The following GRIA4 variants were observed in gnomAD, a reference collection of about 807,000 sequenced individuals.
GRIA4 encodes glutamate receptor 4.
Under a neutral mutation model 104.0 loss-of-function variants are expected in GRIA4, and 34 were observed. The ratio of observed to expected loss-of-function variants is 0.33; its 90% CI spans 0.25 to 0.44. The LOEUF is 0.44. Among genes scored for constraint, GRIA4 ranks in the 20% least tolerant of loss-of-function variants. The pLI, the probability that GRIA4 is intolerant of heterozygous loss-of-function variation, is 1.00. For missense variants in GRIA4, 750 were observed against 1,096.5 expected (o/e 0.68, Z 4.46); for synonymous variants, 386 against 381.9 (o/e 1.01, Z -0.13).
chr11:105,710,516 A>T (rs1022124675), intron 3 of GRIA4, among the ~76,000 whole-genome samples: 1 of 152,152 alleles, frequency 6.6e-6, no homozygotes, highest in African/African-American at 2.4e-5. Flanking sequence ...AAAAAAAGAG[A>T]CATGAGTATC....
chr11:105,870,655 A>G (rs1945582442), intron 5 of GRIA4, among the ~76,000 whole-genome samples: 1 of 152,058 alleles, frequency 6.6e-6, no homozygotes, highest in African/African-American at 2.4e-5. Context: ...AGAACAGGGT[A>G]ATAGGAGAGA....
chr11:105,616,333 TA>T lies in GRIA4; in HGVS notation c.247+3902del, dbSNP rs1950599826. ...TGATGAAAAAGTTTCTTTTTTAAGT[TA>T]AATATTAATTCTGTGTGGCTGATTT... On this transcript the variant is annotated intron_variant, in intron 3 of 16. Coordinates refer to ENST00000282499, the MANE Select transcript of GRIA4 (RefSeq NM_000829.4). 2.6e-5 allele frequency among the ~76,000 whole-genome samples: 4 copies of T among 151,690 alleles called. No homozygotes were observed. In the South Asian group the frequency reaches 8.3e-4, roughly 31 times the overall value.
chr11:105,749,503 C>G (rs1012135916), intron 3 of GRIA4, among the ~76,000 whole-genome samples: 4 of 152,206 alleles, frequency 2.6e-5, no homozygotes, highest in Admixed American at 2.0e-4. Context: ...CCTCACCATG[C>G]TGCAATGGTC....
At chr11:105,811,747 G>T (rs1334949715) in intron 4 of GRIA4, among the ~76,000 whole-genome samples, 1 of 152,108 alleles carries the variant, frequency 6.6e-6, no homozygotes, top group Non-Finnish European at 1.5e-5. Context: ...AAATTCACCT[G>T]AGCATCCTGC....
chr11:105,794,445 G>A (rs75591708), intron 4 of GRIA4, among the ~76,000 whole-genome samples: 1 of 105,340 alleles, frequency 9.5e-6, no homozygotes, highest in Non-Finnish European at 1.9e-5. Flanking sequence ...GTGTGTGTGT[G>A]TGTGTGTCTG....
chr11:105,960,844 C>T (rs975396159), intron 14 of GRIA4, among the ~76,000 whole-genome samples: 4 of 152,218 alleles, frequency 2.6e-5, no homozygotes, highest in Non-Finnish European at 5.9e-5. Context: ...CGTACTCACT[C>T]ACCGCCTCCC....
intron 3 of GRIA4, among the ~76,000 whole-genome samples, chr11:105,690,406 G>T (rs948403126): frequency 2.0e-5 from 3 of 152,140 alleles, no homozygotes; most frequent in Non-Finnish European, 4.4e-5. Context: ...CAGTCTTCAA[G>T]GTGTATGTGT....
At chr11:105,926,634 C>G (rs1002671343) in intron 12 of GRIA4, 107 bp from the exon 13 acceptor site, 1 of 720,240 alleles carries the variant, frequency 1.4e-6, no homozygotes, top group Non-Finnish European at 2.5e-6. Flanking sequence ...TAAAACAATA[C>G]TTGGCAATTG....
chr11:105,944,306 A>G (rs140579157), intron 14 of GRIA4, among the ~76,000 whole-genome samples: 2 of 152,268 alleles, frequency 1.3e-5, no homozygotes, highest in East Asian at 3.9e-4. Context: ...ATTTTACTTG[A>G]TGAAGAATTT....
Position 105,981,868 on chromosome 11 carries a change from C to T in GRIA4, c.*2129C>T, listed in dbSNP as rs958028091. 13 of 152,786 alleles carry T rather than the reference C, an allele frequency of 8.5e-5. No individual in the cohort carries two copies. The highest frequency in any genetic ancestry group is 2.9e-4 in the African/African-American group (12 of 41,418). The allele number at this position is 152,786 out of a possible 1,614,324, so 9.5% of individuals were successfully genotyped here. A position where few individuals can be genotyped will look rare whatever the true frequency, so the allele number is the denominator to read the frequency against. On this transcript the variant is annotated 3_prime_UTR_variant, in exon 17 of 17. Coordinates refer to ENST00000282499, the MANE Select transcript of GRIA4 (RefSeq NM_000829.4). ...AAGATTTCCATGGCTATCCACCACC[C>T]CCCTGCCTGTGAGACTGAGTTAGGT...
At chr11:105,903,615 A>T (rs1424114898) in intron 7 of GRIA4, among the ~76,000 whole-genome samples, 199 bp from the exon 8 acceptor site, 1 of 152,158 alleles carries the variant, frequency 6.6e-6, no homozygotes, top group Non-Finnish European at 1.5e-5. Flanking sequence ...TTAAGTCAGG[A>T]TGATAAGATT....
intron 3 of GRIA4, among the ~76,000 whole-genome samples, chr11:105,720,221 C>A (rs1937698534): frequency 6.6e-6 from 1 of 151,148 alleles, no homozygotes. Context: ...TGGCTTTTCC[C>A]AGAACATGTA....
At chr11:105,886,487 C>T (rs1262768729) in intron 5 of GRIA4, among the ~76,000 whole-genome samples, 1 of 143,496 alleles carries the variant, frequency 7.0e-6, no homozygotes, top group Admixed American at 6.9e-5. Flanking sequence ...CCACCTCCCT[C>T]CCACCCCCAC....
At chr11:105,679,579 A>T (rs928831427) in intron 3 of GRIA4, among the ~76,000 whole-genome samples, 2 of 152,144 alleles carry the variant, frequency 1.3e-5, no homozygotes, top group African/African-American at 4.8e-5. Context: ...ACTGTTCTTG[A>T]TATACTGCAA....
rs529448578 is a variant in GRIA4 at position 105,814,988 on chromosome 11, G to A, written c.488-47036G>A. Among the ~76,000 whole-genome samples the A allele has an allele frequency of 3.3e-5, 5 of 152,272 alleles. No homozygotes were observed. The South Asian group carries it at 6.2e-4, about 19-fold the overall frequency. On this transcript the variant is annotated intron_variant, in intron 4 of 16. Transcript: ENST00000282499. The stretch of plus-strand genomic sequence containing the variant: ...AGGGCATGTGACCCAAGCTTGGCCA[G>A]TCAGGGTCTATCCATGGACTTATCT...
chr11:105,727,227 C>T (rs962203956), intron 3 of GRIA4, among the ~76,000 whole-genome samples: 1 of 151,802 alleles, frequency 6.6e-6, no homozygotes, highest in Non-Finnish European at 1.5e-5. Context: ...AGCACAAGAA[C>T]TTCATGAAGC....
chr11:105,819,934 TAAG>T (rs1047135093), intron 4 of GRIA4, among the ~76,000 whole-genome samples: 15 of 152,000 alleles, frequency 9.9e-5, no homozygotes, highest in African/African-American at 3.1e-4. Context: ...AGTATCCTTA[TAAG>T]AAGATGGTTA....
At chr11:105,651,615 C>A (rs940585347) in intron 3 of GRIA4, among the ~76,000 whole-genome samples, 9 of 152,128 alleles carry the variant, frequency 5.9e-5, no homozygotes, top group African/African-American at 1.9e-4. Flanking sequence ...TCATTAGCCA[C>A]TGGAGTGCTT....
intron 3 of GRIA4, among the ~76,000 whole-genome samples, chr11:105,696,290 C>T (rs938386901): frequency 1.4e-4 from 21 of 152,282 alleles, no homozygotes; most frequent in Middle Eastern, 3.4e-3. Context: ...ACTTCTCAGT[C>T]TGTGTCATCA....
Sources: gnomAD v4.1 joint callset for allele counts (sites outside exome capture counted in the v4.1 genomes callset) on GRCh38, gnomAD v4.1.1 for gene constraint, MANE v1.5 for transcripts, NCBI Gene and HGNC (gene_info 2026-07-23, HGNC 2026-07-21) for gene names.